The following CPS1 variants were observed in gnomAD, a reference collection of about 807,000 sequenced individuals.
CPS1 encodes carbamoyl-phosphate synthase 1.
A neutral mutation model predicts 174.6 loss-of-function variants in CPS1; 109 were observed. The observed-to-expected ratio is 0.62, with a 90% CI of 0.53 to 0.73. The LOEUF (loss-of-function observed/expected upper bound fraction) is 0.73. Ranked by LOEUF, CPS1 falls within the 30% of genes least tolerant of loss-of-function variation. CPS1 has a pLI of 0.00. For missense variants in CPS1, 1,689 were observed against 1,821.9 expected (o/e 0.93, Z 1.33); for synonymous variants, 637 against 632.0 (o/e 1.01, Z -0.12).
chr2:210,523,546 C>A (rs939397562), intron 1 of CPS1, among the ~76,000 whole-genome samples: 1 of 151,986 alleles, frequency 6.6e-6, no homozygotes, highest in Non-Finnish European at 1.5e-5. Context: ...CACTCTGTGT[C>A]CACGTGGACG....
chr2:210,513,123 T>C lies in CPS1; in HGVS notation c.3+35357T>C, dbSNP rs113151386. Among the ~76,000 whole-genome samples, 59 of 22,088 alleles carry C rather than the reference T, an allele frequency of 2.7e-3. 2 individuals carry two copies. Among genetic ancestry groups the C allele is most frequent in the African/African-American group, 4.7e-3 (42 of 8,934 alleles). The allele number at this position is 22,088 out of a possible 152,430, so 14.5% of individuals were successfully genotyped here. ...ATATGGGGATATATATATGGAGATA[T>C]ATATATATGGAGATATATATATGGG... On this transcript the variant is annotated intron_variant, in intron 1 of 38. Coordinates refer to the CPS1 transcript ENST00000430249.
intron 1 of CPS1, among the ~76,000 whole-genome samples, chr2:210,572,545 T>C (rs1697536133): frequency 6.6e-6 from 1 of 152,060 alleles, no homozygotes; most frequent in African/African-American, 2.4e-5. Context: ...GTTTTTCCAG[T>C]TGTCCCTCTT....
At chr2:210,598,218 A>T (rs1698564492) in intron 13 of CPS1, among the ~76,000 whole-genome samples, 1 of 151,878 alleles carries the variant, frequency 6.6e-6, no homozygotes. Context: ...CTTGAAAGGA[A>T]CACTAAGTAT....
chr2:210,492,365 A>T (rs934978967), intron 1 of CPS1, among the ~76,000 whole-genome samples: 1 of 152,218 alleles, frequency 6.6e-6, no homozygotes, highest in African/African-American at 2.4e-5. Flanking sequence ...GCTACTGTGA[A>T]TAGGTACTGG....
chr2:210,650,709 G>C (rs976126543), intron 28 of CPS1, among the ~76,000 whole-genome samples: 3 of 152,120 alleles, frequency 2.0e-5, no homozygotes, highest in African/African-American at 7.2e-5. Context: ...TATCAAAACA[G>C]ATTTTAGACT....
At chr2:210,584,722 A>T (rs578014310) in intron 6 of CPS1, among the ~76,000 whole-genome samples, 70 of 152,016 alleles carry the variant, frequency 4.6e-4, no homozygotes, top group Non-Finnish European at 8.8e-4. Flanking sequence ...TGTCAATTTG[A>T]ATTCAAGTGA....
intron 1 of CPS1, among the ~76,000 whole-genome samples, chr2:210,520,694 C>T (rs144068193): frequency 6.6e-6 from 1 of 152,010 alleles, no homozygotes; most frequent in Non-Finnish European, 1.5e-5. Context: ...TGGAATCATA[C>T]AGTATGGATT....
At position 210,522,737 on chromosome 2, in the gene CPS1, A is replaced by C. The variant is rs191547615; in HGVS notation, c.4-33982A>C. Reference sequence around the variant, plus strand: ...CTCATCACCATCTTATATAATTAGAAAGAGCATACCACCATCTTGGTGAGA... The same window carrying C: ...CTCATCACCATCTTATATAATTAGACAGAGCATACCACCATCTTGGTGAGA... On this transcript the variant is annotated intron_variant, in intron 1 of 38. Coordinates refer to the CPS1 transcript ENST00000430249. Among the ~76,000 whole-genome samples the C allele has an allele frequency of 6.6e-5, 10 of 152,072 alleles. No individual in the cohort carries two copies. In the East Asian group the frequency reaches 1.9e-3, roughly 30 times the overall value.
chr2:210,578,495 T>A (rs984173016), intron 4 of CPS1, among the ~76,000 whole-genome samples: 6 of 152,210 alleles, frequency 3.9e-5, no homozygotes, highest in Non-Finnish European at 5.9e-5. Context: ...CCTGCTTCAA[T>A]TAACTTCATC....
At chr2:210,519,866 G>T (rs1695776246) in intron 1 of CPS1, 1 of 817,282 alleles carries the variant, frequency 1.2e-6, no homozygotes, top group Non-Finnish European at 1.5e-6. Flanking sequence ...GGGTTGTAGT[G>T]ATATAATCAG....
intron 1 of CPS1, among the ~76,000 whole-genome samples, chr2:210,566,844 A>G (rs1697320442): frequency 6.6e-6 from 1 of 152,050 alleles, no homozygotes; most frequent in African/African-American, 2.4e-5. Flanking sequence ...GTTATTAAGG[A>G]TGTCATAGGG....
rs372027160 is a variant in CPS1 at position 210,642,554 on chromosome 2, G to C, written c.3030G>C (p.Thr1010=). Reference sequence around the variant, plus strand: ...CACTGCGTCAACTTGGCAAGAAGACGGTGGTGGTGAATTGCAATCCTGAGA... The same window carrying C: ...CACTGCGTCAACTTGGCAAGAAGACCGTGGTGGTGAATTGCAATCCTGAGA... ...IRTLRQLGKK[T]VVVNCNPETV... The change falls in exon 25 of 38, where the codon ACG becomes ACC. Residue 1010 remains threonine (T), a synonymous_variant. Coordinates refer to ENST00000233072, the MANE Select transcript of CPS1 (RefSeq NM_001875.5). 6.2e-7 allele frequency: 1 copy of C among 1,613,908 alleles called. No individual in the cohort carries two copies. Among genetic ancestry groups the C allele is most frequent in the Non-Finnish European group, 8.5e-7 (1 of 1,179,934 alleles).
rs1698865843 is a variant in CPS1 at position 210,605,224 on chromosome 2, T to C, written c.1959T>C (p.Val653=). The C allele has an allele frequency of 1.1e-5, 17 of 1,612,078 alleles. 1 individual carries two copies. In the East Asian group the frequency reaches 3.1e-4, roughly 30 times the overall value. ...NCVTVCNMEN[V]DAMGVHTGDS... ...TCACTGTCTGTAACATGGAAAATGT[T>C]GATGCCATGGGTGTTCACACAGGTA... Residue 653 remains valine, a synonymous_variant, in exon 17 of 38, where the codon GTT becomes GTC. Coordinates refer to ENST00000233072, the MANE Select transcript of CPS1 (RefSeq NM_001875.5).
intron 1 of CPS1, among the ~76,000 whole-genome samples, chr2:210,495,944 C>T (rs1006976552): frequency 3.3e-5 from 5 of 151,558 alleles, no homozygotes; most frequent in African/African-American, 1.2e-4. Flanking sequence ...TTTTTCCTCC[C>T]TCTCTCACTC....
chr2:210,491,887 T>G (rs1559733672), intron 1 of CPS1, among the ~76,000 whole-genome samples: 1 of 152,204 alleles, frequency 6.6e-6, no homozygotes, highest in African/African-American at 2.4e-5. Flanking sequence ...GCTCTCTCAG[T>G]TCTTGTTTCT....
intron 1 of CPS1, among the ~76,000 whole-genome samples, chr2:210,494,001 T>C (rs959447864): frequency 1.3e-5 from 2 of 152,178 alleles, no homozygotes; most frequent in Non-Finnish European, 2.9e-5. Flanking sequence ...CAATAGACTA[T>C]TAGATTACAA....
At chr2:210,543,167 A>G (rs1254999044) in intron 1 of CPS1, among the ~76,000 whole-genome samples, 1 of 152,194 alleles carries the variant, frequency 6.6e-6, no homozygotes, top group Non-Finnish European at 1.5e-5. Context: ...GGTCTACCAC[A>G]GTTAGCTTCC....
At chr2:210,582,428 T>C (rs1316155199) in intron 5 of CPS1, among the ~76,000 whole-genome samples, 189 bp from the exon 6 acceptor site, 3 of 152,162 alleles carry the variant, frequency 2.0e-5, no homozygotes. Flanking sequence ...TCCAAGAGTA[T>C]TTCCCAAAAT....
At chr2:210,663,002 T>C in intron 32 of CPS1, 121 bp from the exon 33 acceptor site, 1 of 940,184 alleles carries the variant, frequency 1.1e-6, no homozygotes, top group Admixed American at 2.1e-5. Context: ...ATTTTTTACA[T>C]GTCTACTGTA....
Sources: allele counts gnomAD v4.1 joint callset (sites outside exome capture counted in the v4.1 genomes callset), GRCh38; gene constraint gnomAD v4.1.1; transcripts MANE v1.5; gene names NCBI Gene and HGNC (gene_info 2026-07-23, HGNC 2026-07-21).